The following EYS variants were observed in gnomAD, a reference collection of about 807,000 sequenced individuals.
The protein encoded by EYS is protein eyes shut homolog.
A neutral mutation model predicts 282.1 loss-of-function variants in EYS; 250 were observed. The ratio of observed to expected loss-of-function variants is 0.89; its 90% confidence interval spans 0.80 to 0.98. The LOEUF is 0.98. Among genes scored for constraint, EYS ranks in the 50% least tolerant of loss-of-function variants. The probability of loss-of-function intolerance (pLI) is 0.00; values close to 1 mark genes in which losing one functional copy is unlikely to be tolerated. For missense variants in EYS, 4,016 were observed against 3,709.0 expected (o/e 1.08, Z -2.15); for synonymous variants, 1,355 against 1,282.9 (o/e 1.06, Z -1.20).
intron 31 of EYS, among the ~76,000 whole-genome samples, chr6:64,106,396 A>T (rs1773013193): frequency 1.3e-5 from 2 of 152,124 alleles, no homozygotes; most frequent in Admixed American, 1.3e-4. Flanking sequence ...ATATGAACAG[A>T]TCTTTTGAAG....
At chr6:65,250,664 T>G (rs954768678) in intron 12 of EYS, among the ~76,000 whole-genome samples, 2 of 151,896 alleles carry the variant, frequency 1.3e-5, no homozygotes, top group Non-Finnish European at 2.9e-5. Context: ...GGAGATAAAA[T>G]GACATTATAA....
intron 29 of EYS, among the ~76,000 whole-genome samples, chr6:64,359,917 C>A (rs561367315): frequency 6.6e-6 from 1 of 151,674 alleles, no homozygotes; most frequent in African/African-American, 2.4e-5. Flanking sequence ...CTTTTTAATA[C>A]CATGTAAAGC....
At chr6:63,881,108 G>A (rs1167758307) in intron 35 of EYS, among the ~76,000 whole-genome samples, 2 of 152,064 alleles carry the variant, frequency 1.3e-5, no homozygotes, top group African/African-American at 4.8e-5. Flanking sequence ...TGTTTCAATA[G>A]TTTCAATTAG....
chr6:64,031,507 C>T (rs11962727), intron 33 of EYS, among the ~76,000 whole-genome samples: 46,185 of 152,150 alleles, frequency 0.3, 7,288 homozygotes, highest in Middle Eastern at 0.38. Context: ...CTGAGGAGTG[C>T]AGGCGCAGGG....
chr6:64,704,637 T>G (rs1219619996), intron 22 of EYS, among the ~76,000 whole-genome samples: 1 of 151,532 alleles, frequency 6.6e-6, no homozygotes, highest in Non-Finnish European at 1.5e-5. Flanking sequence ...GGCTAGCAAG[T>G]GAAATATCGG....
intron 35 of EYS, among the ~76,000 whole-genome samples, chr6:63,950,033 C>T (rs759062519): frequency 2.8e-4 from 43 of 152,008 alleles, no homozygotes; most frequent in Admixed American, 3.9e-4. Context: ...ATTAGCCGGG[C>T]GTGGTGGCAG....
In EYS at chr6:63,804,140, C is replaced by A. The variant is rs143871564; in HGVS notation, c.7411+2050G>T. On this transcript the variant is annotated intron_variant, in intron 37 of 42. Transcript: ENST00000503581. ...CAAGCGATTCTCATGCCTCAGCCTC[C>A]CAAGTAGCTAGGATTACAGGTGTGC... Among the ~76,000 whole-genome samples, 30 of 152,206 alleles carry A rather than the reference C, an allele frequency of 2.0e-4. 1 individual carries two copies. The highest frequency in any genetic ancestry group is 5.9e-4 in the Admixed American group (9 of 15,284).
chr6:65,648,737 G>C (rs1484727508), intron 1 of EYS, among the ~76,000 whole-genome samples: 1 of 151,590 alleles, frequency 6.6e-6, no homozygotes, highest in Non-Finnish European at 1.5e-5. Flanking sequence ...AAAACAAACA[G>C]AGAAAAGGGA....
chr6:64,299,960 C>T (rs546294365), intron 30 of EYS, among the ~76,000 whole-genome samples: 5 of 152,054 alleles, frequency 3.3e-5, no homozygotes, highest in Admixed American at 6.5e-5. Flanking sequence ...CTCAGACACG[C>T]TATCACCAGG....
chr6:65,623,709 A>C (rs1213101822), intron 2 of EYS, among the ~76,000 whole-genome samples: 1 of 152,200 alleles, frequency 6.6e-6, no homozygotes, highest in African/African-American at 2.4e-5. Flanking sequence ...ATAAACATGG[A>C]ATTATTTTGT....
At chr6:64,167,067 C>T (rs1764312521) in intron 31 of EYS, among the ~76,000 whole-genome samples, 2 of 152,178 alleles carry the variant, frequency 1.3e-5, no homozygotes, top group Non-Finnish European at 2.9e-5. Flanking sequence ...GTCCTGCTGG[C>T]TGGTCCAAAA....
chr6:64,127,541 T>A (rs1773825786), intron 31 of EYS, among the ~76,000 whole-genome samples: 1 of 152,152 alleles, frequency 6.6e-6, no homozygotes, highest in African/African-American at 2.4e-5. Context: ...GATTTCTCCA[T>A]GTTTCCATTT....
chr6:64,719,023 G>A (rs1771487195), intron 22 of EYS, among the ~76,000 whole-genome samples: 1 of 152,220 alleles, frequency 6.6e-6, no homozygotes. Flanking sequence ...TTCTTAGGAT[G>A]AAGTCAGAAA....
At chr6:64,128,152 G>A (rs1773845944) in intron 31 of EYS, among the ~76,000 whole-genome samples, 1 of 152,058 alleles carries the variant, frequency 6.6e-6, no homozygotes, top group African/African-American at 2.4e-5. Flanking sequence ...TGTGTACAGA[G>A]CTTATTACAT....
intron 31 of EYS, among the ~76,000 whole-genome samples, chr6:64,203,689 T>G (rs1271688536): frequency 1.3e-5 from 2 of 152,162 alleles, no homozygotes; most frequent in African/African-American, 4.8e-5. Flanking sequence ...AAAGATTGTA[T>G]GTTAAAAATA....
chr6:65,422,657 G>A (rs1767508465), intron 5 of EYS, among the ~76,000 whole-genome samples: 1 of 151,804 alleles, frequency 6.6e-6, no homozygotes, highest in South Asian at 2.1e-4. Context: ...GACCCACAGA[G>A]TAATGTGTTC....
At chr6:64,671,993 T>G (rs1769477627) in intron 22 of EYS, among the ~76,000 whole-genome samples, 1 of 152,200 alleles carries the variant, frequency 6.6e-6, no homozygotes, top group Admixed American at 6.5e-5. Flanking sequence ...AAAGCGCAAT[T>G]ATTTTATTGA....
intron 12 of EYS, among the ~76,000 whole-genome samples, chr6:65,269,925 T>G (rs1245592515): frequency 1.3e-5 from 2 of 152,156 alleles, no homozygotes; most frequent in Non-Finnish European, 2.9e-5. Context: ...TTCATAACTT[T>G]CTATTCTTCC....
At chr6:63,748,185 A>G (rs988635673) in intron 41 of EYS, among the ~76,000 whole-genome samples, 2 of 152,212 alleles carry the variant, frequency 1.3e-5, no homozygotes, top group Non-Finnish European at 2.9e-5. Flanking sequence ...GACAAAAGTC[A>G]TCTGTGGATG....
Sources: allele counts gnomAD v4.1 joint callset (sites outside exome capture counted in the v4.1 genomes callset), GRCh38; gene constraint gnomAD v4.1.1; transcripts MANE v1.5; gene names NCBI Gene and HGNC (gene_info 2026-07-23, HGNC 2026-07-21).